FBN3: variants seen among roughly 807,000 people sequenced by gnomAD.
The protein encoded by FBN3 is fibrillin-3.
A neutral mutation model predicts 330.1 loss-of-function variants in FBN3; 234 were observed. The ratio of observed to expected loss-of-function variants is 0.71; its 90% CI spans 0.64 to 0.79. FBN3 has a LOEUF of 0.79. FBN3 is among the 30% of genes least tolerant of loss of function. The pLI is 0.00. For missense variants in FBN3, 3,606 were observed against 3,886.9 expected (o/e 0.93, Z 1.92); for synonymous variants, 1,458 against 1,517.3 (o/e 0.96, Z 0.91).
At chr19:8,124,693 C>T (rs1305402591) in intron 22 of FBN3, among the ~76,000 whole-genome samples, 3 of 152,052 alleles carry the variant, frequency 2.0e-5, no homozygotes, top group African/African-American at 4.8e-5. Context: ...ACCGCTACCA[C>T]GCTCACCTAA....
At chr19:8,117,312 A>AGGGGCT (rs2082727644) in intron 27 of FBN3, 21 bp from the exon 28 acceptor site, 3 of 774,692 alleles carry the variant, frequency 3.9e-6, no homozygotes, top group African/African-American at 2.3e-5. Context: ...CAGGGCAGAC[A>AGGGGCT]GGGGCTGGGG....
At chr19:8,081,265 G>T in intron 58 of FBN3, 93 bp downstream of exon 58, 1 of 1,498,706 alleles carries the variant, frequency 6.7e-7, no homozygotes, top group Non-Finnish European at 9.1e-7. Flanking sequence ...AGATGGGAGG[G>T]GGTGAGATTG....
Position 8,073,180 on chromosome 19 carries a change from C to G in FBN3, c.7820G>C (p.Gly2607Ala). ...SGFDFDQALGGCQEVDECAGR... is the reference protein window; with the variant it reads ...SGFDFDQALGACQEVDECAGR... ...GGCGCACTCATCCACCTCCTGGCAGCCCCCGAGGGCCTGATCAAAGTCAAA... is the reference window on the plus strand; with the variant it reads ...GGCGCACTCATCCACCTCCTGGCAGGCCCCGAGGGCCTGATCAAAGTCAAA... Residue 2607 changes from glycine (G) to alanine (A), a missense_variant, in exon 62 of 64, where the codon GGC becomes GCC. Transcript: ENST00000600128. 4.3e-6 allele frequency: 7 copies of G among 1,613,886 alleles called. No individual in the cohort carries two copies. The highest frequency in any genetic ancestry group is 5.9e-6 in the Non-Finnish European group (7 of 1,179,914).
Position 8,128,128 on chromosome 19 carries a change from C to T in FBN3, c.2296+900G>A, listed in dbSNP as rs113087989. On this transcript the variant is annotated intron_variant, in intron 18 of 63. Transcript: ENST00000600128. The stretch of plus-strand genomic sequence containing the variant: ...TGCCTGCTCTCGGCATGCCGCCCTG[C>T]CAGCACACAGATATGTCCATCCACC... Among the ~76,000 whole-genome samples, 840 of 152,342 alleles carry T rather than the reference C, an allele frequency of 5.5e-3. 8 individuals are homozygous for T. Among genetic ancestry groups the T allele is most frequent in the African/African-American group, 0.018 (756 of 41,562 alleles).
rs778096522 is a variant in FBN3 at position 8,115,408 on chromosome 19, G to A, written c.3838+107C>T. ...AGAAGCCATCCGTGGAAATCTATGAGAATGAATTCTGGCTGTGCTCTGCCC... is the reference window on the plus strand; with the variant it reads ...AGAAGCCATCCGTGGAAATCTATGAAAATGAATTCTGGCTGTGCTCTGCCC... On this transcript the variant is annotated intron_variant, in intron 30 of 63. Coordinates refer to ENST00000600128, the MANE Select transcript of FBN3 (RefSeq NM_032447.5). 1.3e-4 allele frequency: 175 copies of A among 1,354,756 alleles called. 1 individual carries two copies. Among genetic ancestry groups the A allele is most frequent in the Non-Finnish European group, 1.7e-4 (168 of 999,362 alleles). The allele number at this position is 1,354,756 out of a possible 1,614,324, so 83.9% of individuals were successfully genotyped here.
chr19:8,144,140 G>A (rs1368124515), intron 6 of FBN3, among the ~76,000 whole-genome samples: 2 of 151,990 alleles, frequency 1.3e-5, no homozygotes, highest in Non-Finnish European at 2.9e-5. Context: ...TAGGGTGACT[G>A]GGTGTGGTGG....
Position 8,100,961 on chromosome 19 carries a change from T to G in FBN3, c.5101A>C (p.Ile1701Leu). 1 of 1,613,722 alleles carries G rather than the reference T, an allele frequency of 6.2e-7. No individual in the cohort carries two copies. The highest frequency in any genetic ancestry group is 8.5e-7 in the Non-Finnish European group (1 of 1,179,862). ...CCCGGGGCCTGATTTCCACACAGGA[T>G]CTGGTAGTCAGCTGCGCAAAGGGGA... is the stretch of plus-strand genomic sequence containing the variant. ...CPTPISPDYQ[I>L]LCGNQAPGFL... The change falls in exon 41 of 64, where the codon ATC (isoleucine) becomes CTC (leucine). Residue 1701 changes from isoleucine to leucine, a missense_variant. Transcript: ENST00000600128.
At position 8,096,718 on chromosome 19, in the gene FBN3, G is replaced by T; in HGVS notation, c.5414-149C>A. On this transcript the variant is annotated intron_variant, in intron 43 of 63. Coordinates refer to ENST00000600128, the MANE Select transcript of FBN3 (RefSeq NM_032447.5). This position sits in a 1 kb window ranked among gnomAD's most constrained non-coding sequence, Gnocchi z 4.6. ...CGTCAGGCTGTCTGCATGGACCTGA[G>T]CTCTCACCTCTATCACATCCTATTA... 3.1e-6 allele frequency: 4 copies of T among 1,308,362 alleles called. No individual in the cohort carries two copies. Among genetic ancestry groups the T allele is most frequent in the Non-Finnish European group, 4.2e-6 (4 of 949,636 alleles). 81.0% of individuals were successfully genotyped at this position (1,308,362 alleles called of 1,614,324 possible).
intron 48 of FBN3, 26 bp downstream of exon 48, chr19:8,091,439 C>T (rs1175401897): frequency 6.2e-7 from 1 of 1,612,364 alleles, no homozygotes; most frequent in Non-Finnish European, 8.5e-7. Context: ...TTCCCACCCT[C>T]TTCCCTAAGC....
chr19:8,120,997 C>G (rs559168716), intron 25 of FBN3, among the ~76,000 whole-genome samples: 1 of 152,278 alleles, frequency 6.6e-6, no homozygotes, highest in Admixed American at 6.5e-5. Flanking sequence ...GGGTCCCTGT[C>G]CTCTACCCAA....
Position 8,146,183 on chromosome 19 carries a change from G to T in FBN3, c.293C>A (p.Pro98His). The T allele has an allele frequency of 6.2e-7, 1 of 1,602,974 alleles. No homozygotes were observed. The change falls in exon 4 of 64, where the codon CCC becomes CAC. Residue 98 changes from proline (P) to histidine (H), a missense_variant. By Grantham distance (77) the Pro-to-His change is moderately conservative (BLOSUM62 -2). Coordinates refer to ENST00000600128, the MANE Select transcript of FBN3 (RefSeq NM_032447.5). ...CCCATCCGCACAGGTGCACAGGTTG[G>T]GCTGGGAGCAGAAGCCTTCACCGCA... ...RACGEGFCSQPNLCTCADGTL... is the reference protein window; with the variant it reads ...RACGEGFCSQHNLCTCADGTL...
At chr19:8,095,598 G>T in intron 45 of FBN3, 95 bp from the exon 46 acceptor site, 1 of 1,390,770 alleles carries the variant, frequency 7.2e-7, no homozygotes, top group Non-Finnish European at 9.9e-7. Context: ...TGAGCTGACA[G>T]CATTGGCTTC....
Position 8,099,276 on chromosome 19 carries a change from A to ATTTTTTTTTTTTTTTTTTTTTTTTTTT in FBN3, c.5161+1624_5161+1625insAAAAAAAAAAAAAAAAAAAAAAAAAAA, listed in dbSNP as rs386388494. Among the ~76,000 whole-genome samples, 2 of 98,880 alleles carry ATTTTTTTTTTTTTTTTTTTTTTTTTTT rather than the reference A, an allele frequency of 2.0e-5. 1 individual carries two copies. 64.9% of individuals were successfully genotyped at this position (98,880 alleles called of 152,430 possible). A position where few individuals can be genotyped will look rare whatever the true frequency, so the allele number is the denominator to read the frequency against. The stretch of plus-strand genomic sequence containing the variant: ...AGTGGGTTTTATTTGTCATGGTTTG[A>ATTTTTTTTTTTTTTTTTTTTTTTTTTT]TTTTTTTTTTTTTTTTTTTTTTGCA... On this transcript the variant is annotated intron_variant, in intron 41 of 63. Coordinates refer to ENST00000600128, the MANE Select transcript of FBN3 (RefSeq NM_032447.5).
chr19:8,093,750 T>C (rs1315833090), intron 47 of FBN3, among the ~76,000 whole-genome samples: 5 of 151,860 alleles, frequency 3.3e-5, no homozygotes, highest in Admixed American at 2.6e-4. Context: ...GTGAGACTCC[T>C]CTCAAAACAA....
intron 26 of FBN3, among the ~76,000 whole-genome samples, chr19:8,118,102 C>A (rs542330217): frequency 6.6e-6 from 1 of 152,028 alleles, no homozygotes; most frequent in East Asian, 1.9e-4. Flanking sequence ...CATAAACACA[C>A]CCTCAAACAT....
At position 8,118,933 on chromosome 19, in the gene FBN3, C is replaced by A. The variant is rs1487459285; in HGVS notation, c.3301G>T (p.Gly1101Trp). The A allele has an allele frequency of 6.2e-7, 1 of 1,613,384 alleles. No homozygotes were observed. ...GTGCCCTTGGCCGTCAGCTCATGCC[C>A]AGGGGGACACTGGCACTTGTAGCTC... ...DGSYKCQCPP[G>W]HELTAKGTAC... The change falls in exon 26 of 64, where the codon GGG becomes TGG. Residue 1101 changes from glycine to tryptophan, a missense_variant. By Grantham distance (184) the Gly-to-Trp change is radical (BLOSUM62 -2). Transcript: ENST00000600128.
intron 40 of FBN3, among the ~76,000 whole-genome samples, chr19:8,102,179 G>A (rs1271614418): frequency 6.6e-6 from 1 of 152,046 alleles, no homozygotes; most frequent in Non-Finnish European, 1.5e-5. Flanking sequence ...CAGTTATGTG[G>A]AACTGCGAGT....
Position 8,094,535 on chromosome 19 carries a change from G to T in FBN3, c.5816C>A (p.Thr1939Asn), listed in dbSNP as rs7245558. 1,601 of 1,613,950 alleles carry T rather than the reference G, an allele frequency of 9.9e-4. 23 individuals are homozygous for T. In the African/African-American group the frequency reaches 0.019, roughly 19 times the overall value. Residue 1939 changes from threonine to asparagine, a missense_variant, in exon 47 of 64, where the codon ACC becomes AAC. Thr to Asn is a moderately conservative substitution (Grantham distance 65, BLOSUM62 0). Coordinates refer to ENST00000600128, the MANE Select transcript of FBN3 (RefSeq NM_032447.5). ...GTTCTGGCAAGTGCCGGGTAGGCAGGTTCCTGCAAGGCTGAGGCACTCATT... is the reference window on the plus strand; with the variant it reads ...GTTCTGGCAAGTGCCGGGTAGGCAGTTTCCTGCAAGGCTGAGGCACTCATT... ...DTNECLSLAG[T>N]CLPGTCQNLE... is the part of the protein sequence containing the mutation.
chr19:8,072,648 G>A (rs1312721554), intron 62 of FBN3, among the ~76,000 whole-genome samples: 1 of 152,004 alleles, frequency 6.6e-6, no homozygotes, highest in Admixed American at 6.6e-5. Flanking sequence ...AAACCAGGAT[G>A]TAGCAATGGC....
Sources: gnomAD v4.1 joint callset for allele counts (sites outside exome capture counted in the v4.1 genomes callset) on GRCh38, gnomAD v4.1.1 for gene constraint, Gnocchi (gnomAD v3.1) non-coding constraint, MANE v1.5 for transcripts, NCBI Gene and HGNC (gene_info 2026-07-23, HGNC 2026-07-21) for gene names.